Variants in SULF1 observed in about 807,000 individuals in gnomAD.
SULF1 encodes the protein sulfatase 1, also known as extracellular sulfatase Sulf-1.
Under a neutral mutation model 110.5 loss-of-function variants are expected in SULF1, and 46 were observed. That is an observed-to-expected ratio of 0.42 (90% CI 0.33 to 0.53). SULF1 has a LOEUF of 0.53. SULF1 is among the 20% of genes least tolerant of loss of function. The pLI, the probability that SULF1 is intolerant of heterozygous loss-of-function variation, is 0.12. For synonymous variants in SULF1, 371 were observed against 387.1 expected (o/e 0.96, Z 0.49); for missense variants, 941 against 1,094.2 (o/e 0.86, Z 1.98).
At position 69,575,986 on chromosome 8, in the gene SULF1, G is replaced by C; in HGVS notation, c.189G>C (p.Met63Ile). 6.2e-7 allele frequency: 1 copy of C among 1,613,878 alleles called. No homozygotes were observed. The highest frequency in any genetic ancestry group is 8.5e-7 in the Non-Finnish European group (1 of 1,179,886). The part of the protein sequence containing the change: ...QDVELGSLQV[M>I]NKTRKIMEHG... ...GCCTTTCAGGGTCCCTGCAAGTCAT[G>C]AACAAAACGAGAAAGATTATGGAAC... The change falls in exon 6 of 23, where the codon ATG becomes ATC. Residue 63 changes from methionine to isoleucine, a missense_variant. Physicochemically the swap from Met to Ile is conservative, Grantham distance 10 (BLOSUM62 1). This residue lies in a region of SULF1 where 822 missense variants were observed against 934.3 expected (regional missense o/e 0.88). Transcript: ENST00000402687.
intron 8 of SULF1, among the ~76,000 whole-genome samples, chr8:69,596,042 G>T (rs914885387): frequency 6.6e-6 from 1 of 152,206 alleles, no homozygotes; most frequent in African/African-American, 2.4e-5. Flanking sequence ...GATGGTGAAG[G>T]TTGAGCTTAC....
chr8:69,614,675 C>T (rs190270762), intron 13 of SULF1, among the ~76,000 whole-genome samples: 1 of 152,364 alleles, frequency 6.6e-6, no homozygotes, highest in East Asian at 1.9e-4. Flanking sequence ...AACACTAACA[C>T]ATAATTACCT....
chr8:69,556,434 C>A (rs1435807145), intron 3 of SULF1, among the ~76,000 whole-genome samples: 1 of 152,176 alleles, frequency 6.6e-6, no homozygotes, highest in Non-Finnish European at 1.5e-5. Flanking sequence ...GACAACACTG[C>A]CCCCATCAGT....
intron 19 of SULF1, 23 bp downstream of exon 19, chr8:69,629,702 C>T (rs777187647): frequency 6.4e-7 from 1 of 1,571,276 alleles, no homozygotes; most frequent in South Asian, 1.2e-5. Context: ...TTCCAAATGC[C>T]ACTTCCTGCC....
At chr8:69,544,342 C>A (rs1437609104) in intron 3 of SULF1, among the ~76,000 whole-genome samples, 1 of 151,872 alleles carries the variant, frequency 6.6e-6, no homozygotes, top group Non-Finnish European at 1.5e-5. Context: ...GATCTCGGCT[C>A]ACTACAACCT....
At chr8:69,624,305 A>G in intron 15 of SULF1, 108 bp downstream of exon 15, 1 of 1,437,446 alleles carries the variant, frequency 7.0e-7, no homozygotes, top group Non-Finnish European at 9.3e-7. Flanking sequence ...ACTTGGCAAT[A>G]CAGTGCCTGA....
At chr8:69,523,288 G>A (rs1287164143) in intron 3 of SULF1, among the ~76,000 whole-genome samples, 1 of 152,124 alleles carries the variant, frequency 6.6e-6, no homozygotes, top group Non-Finnish European at 1.5e-5. Flanking sequence ...ACCTGTGGAA[G>A]TTCTCCTCCA....
chr8:69,517,934 A>G (rs1446899127), intron 3 of SULF1, among the ~76,000 whole-genome samples: 1 of 152,214 alleles, frequency 6.6e-6, no homozygotes, highest in Non-Finnish European at 1.5e-5. Flanking sequence ...TAAATCAAAG[A>G]AAGTTATATA....
chr8:69,485,846 G>A (rs372289992), intron 1 of SULF1, among the ~76,000 whole-genome samples: 113 of 152,240 alleles, frequency 7.4e-4, no homozygotes, highest in African/African-American at 2.6e-3. Flanking sequence ...TTCTTGGACC[G>A]TGTTCATTTT....
chr8:69,651,643 T>C (rs1209785022), intron 22 of SULF1, among the ~76,000 whole-genome samples: 2 of 152,208 alleles, frequency 1.3e-5, no homozygotes, highest in Non-Finnish European at 2.9e-5. Flanking sequence ...TTTAGATCTA[T>C]TAAATTATTA....
chr8:69,546,915 T>C (rs1239395401), intron 3 of SULF1, among the ~76,000 whole-genome samples: 2 of 152,228 alleles, frequency 1.3e-5, no homozygotes, highest in Non-Finnish European at 2.9e-5. Flanking sequence ...CTGAAACCAA[T>C]ATTCTAGTTG....
intron 9 of SULF1, 76 bp from the exon 10 acceptor site, chr8:69,601,578 C>A (rs1239990930): frequency 1.1e-5 from 13 of 1,235,892 alleles, no homozygotes; most frequent in Non-Finnish European, 1.2e-5. Context: ...GATTTGGGGG[C>A]AATCGTGGCA....
chr8:69,532,864 T>TTTTAC (rs763157520), intron 3 of SULF1, among the ~76,000 whole-genome samples: 35 of 152,296 alleles, frequency 2.3e-4, no homozygotes, highest in Non-Finnish European at 3.8e-4. Flanking sequence ...CAACCACCAA[T>TTTTAC]TTTACTTTCT....
intron 13 of SULF1, among the ~76,000 whole-genome samples, chr8:69,616,214 A>G (rs1425210720): frequency 1.0e-4 from 12 of 116,980 alleles, no homozygotes; most frequent in African/African-American, 2.9e-4. Flanking sequence ...GTGTGTGTAT[A>G]TATATATATA....
Position 69,576,165 on chromosome 8 carries a change from C to G in SULF1, c.368C>G (p.Pro123Arg). 1 of 1,614,180 alleles carries G rather than the reference C, an allele frequency of 6.2e-7. No homozygotes were observed. The highest frequency in any genetic ancestry group is 8.5e-7 in the Non-Finnish European group (1 of 1,180,024). ...CCCTCGTGGCAGGCCATGCATGAGC[C>G]TCGGACTTTTGCTGTATATCTTAAC... ...SSPSWQAMHEPRTFAVYLNNT... is the reference protein window; with the variant it reads ...SSPSWQAMHERRTFAVYLNNT... The change falls in exon 6 of 23, where the codon CCT becomes CGT. Residue 123 changes from proline to arginine, a missense_variant. Pro to Arg is a moderately radical substitution (Grantham distance 103). Around this residue, in one of 3 missense-constraint regions of SULF1, gnomAD observed 822 missense variants for 934.3 expected, o/e 0.88. Coordinates refer to ENST00000402687, the MANE Select transcript of SULF1 (RefSeq NM_001128205.2).
chr8:69,629,694 C>T lies in SULF1; in HGVS notation c.2284+15C>T, dbSNP rs769277092. On this transcript the variant is annotated intron_variant, in intron 19 of 22. Coordinates refer to ENST00000402687, the MANE Select transcript of SULF1 (RefSeq NM_001128205.2). ...GTTCTGGAACCGTAAGTTGCTTGTTCCAAATGCCACTTCCTGCCGCCATGC... is the reference window on the plus strand; with the variant it reads ...GTTCTGGAACCGTAAGTTGCTTGTTTCAAATGCCACTTCCTGCCGCCATGC... 23 of 1,581,354 alleles carry T rather than the reference C, an allele frequency of 1.5e-5. No homozygotes were observed. The highest frequency in any genetic ancestry group is 7.3e-5 in the Admixed American group (4 of 54,938).
chr8:69,576,106 C>T lies in SULF1; in HGVS notation c.309C>T (p.His103=), dbSNP rs764236511. Residue 103 remains histidine, a synonymous_variant, in exon 6 of 23, where the codon CAC becomes CAT. Coordinates refer to ENST00000402687, the MANE Select transcript of SULF1 (RefSeq NM_001128205.2). Reference sequence around the variant, plus strand: ...TCACCGGGAAGTATGTGCACAATCACAATGTCTACACCAACAACGAGAACT... The same window carrying T: ...TCACCGGGAAGTATGTGCACAATCATAATGTCTACACCAACAACGAGAACT... ...SMLTGKYVHN[H]NVYTNNENCS... 1.2e-6 allele frequency: 2 copies of T among 1,614,224 alleles called. No individual in the cohort carries two copies. The highest frequency in any genetic ancestry group is 1.7e-6 in the Non-Finnish European group (2 of 1,180,048).
intron 3 of SULF1, among the ~76,000 whole-genome samples, chr8:69,502,690 C>CTTTTTTTTTTTTTTTTTTTT (rs765285613): frequency 7.9e-6 from 1 of 125,912 alleles, no homozygotes; most frequent in African/African-American, 3.0e-5. Flanking sequence ...CTTTTTTTTT[C>CTTTTTTTTTTTTTTTTTTTT]TTTTTTTTTT....
At chr8:69,627,362 A>G in intron 16 of SULF1, 56 bp downstream of exon 16, 1 of 1,342,214 alleles carries the variant, frequency 7.5e-7, no homozygotes, top group Non-Finnish European at 1.1e-6. Flanking sequence ...TCGGCCTGCC[A>G]GCCCTGCTGT....
Sources: gnomAD v4.1 joint callset for allele counts (sites outside exome capture counted in the v4.1 genomes callset) on GRCh38, gnomAD v4.1.1 for gene constraint, gnomAD v4.1.1 regional missense constraint, MANE v1.5 for transcripts, NCBI Gene and HGNC (gene_info 2026-07-23, HGNC 2026-07-21) for gene names.